PRF1: variants seen among roughly 807,000 people sequenced by gnomAD.
PRF1 encodes perforin 1.
Under a neutral mutation model 11.7 loss-of-function variants are expected in PRF1, and 11 were observed. The observed-to-expected ratio is 0.94, with a 90% CI of 0.59 to 1.56. The LOEUF is 1.56. Ranked by LOEUF, PRF1 falls within the 40% of genes most tolerant of loss-of-function variation. The pLI is 0.00. For missense variants in PRF1, 729 were observed against 751.0 expected, an observed-to-expected ratio of 0.97 and a Z score of 0.34; for synonymous variants, 314 against 327.8, an observed-to-expected ratio of 0.96 and a Z score of 0.45.
In PRF1 at chr10:70,602,689, TCTTCAC is replaced by T. The variant is rs1848248635; in HGVS notation, c.-81_-76del. The T allele has an allele frequency of 6.6e-6, 1 of 152,252 alleles. No individual in the cohort carries two copies. Among genetic ancestry groups the T allele is most frequent in the Non-Finnish European group, 1.5e-5 (1 of 68,144 alleles). 9.4% of individuals were successfully genotyped at this position (152,252 alleles called of 1,614,324 possible). On this transcript the variant is annotated 5_prime_UTR_variant, in exon 1 of 3. An upstream open reading frame in the 5' UTR loses its in-frame stop. Coordinates refer to ENST00000441259, the MANE Select transcript of PRF1 (RefSeq NM_001083116.3). ...AGCGGCTACACAGATGGATATCCTC[TCTTCAC>T]CGAGGCTCCTGGAATGGTGGCATCA...
chr10:70,599,719 C>G lies in PRF1; in HGVS notation c.540-538G>C, dbSNP rs3781307. Reference sequence around the variant, plus strand: ...TGGATGGGTCCCACATGCCCGGGATCCTGACAGCTTGGGCCATGCTCGGCC... The same window carrying G: ...TGGATGGGTCCCACATGCCCGGGATGCTGACAGCTTGGGCCATGCTCGGCC... On this transcript the variant is annotated intron_variant, in intron 2 of 2. Transcript: ENST00000441259. Among the ~76,000 whole-genome samples the G allele has an allele frequency of 4.1e-4, 63 of 152,358 alleles. 5 individuals carry two copies. The East Asian group carries it at 0.012, about 29-fold the overall frequency.
rs1222133631 is a variant in PRF1, at chr10:70,598,304, C to T, written c.1417G>A (p.Ala473Thr). 1 of 1,614,090 alleles carries T rather than the reference C, an allele frequency of 6.2e-7. No individual in the cohort carries two copies. The change falls in exon 3 of 3, where the codon GCC becomes ACC. Residue 473 changes from alanine to threonine, a missense_variant. Physicochemically the swap from Ala to Thr is moderately conservative, Grantham distance 58. Coordinates refer to ENST00000441259, the MANE Select transcript of PRF1 (RefSeq NM_001083116.3). The part of the protein sequence containing the change: ...VRLDFGDVLL[A>T]TGGPLRLQVW... Reference sequence around the variant, plus strand: ...TGCAACCTCAGGGGCCCCCCTGTGGCCAGGAGCACATCCCCAAAATCCAGC... The same window carrying T: ...TGCAACCTCAGGGGCCCCCCTGTGGTCAGGAGCACATCCCCAAAATCCAGC...
chr10:70,601,034 A>C, intron 1 of PRF1, 102 bp from the exon 2 acceptor site: 1 of 1,443,394 alleles, frequency 6.9e-7, no homozygotes. Flanking sequence ...ATATCTCTTA[A>C]GTCATTATTC....
At position 70,600,693 on chromosome 10, in the gene PRF1, G is replaced by T. The variant is rs202134601; in HGVS notation, c.210C>A (p.Asp70Glu). The change falls in exon 2 of 3, where the codon GAC (aspartate) becomes GAA (glutamate). Residue 70 changes from aspartate (D) to glutamate (E), a missense_variant. By Grantham distance (45) the Asp-to-Glu change is conservative. Coordinates refer to ENST00000441259, the MANE Select transcript of PRF1 (RefSeq NM_001083116.3). This position sits in a 1 kb window ranked among gnomAD's most constrained non-coding sequence, Gnocchi z 4.9. ...PVDTQRFLRP[D>E]GTCTLCENAL... ...CATTTTCACAGAGGGTGCAGGTGCC[G>T]TCGGGCCGCAGGAACCTTTGTGTGT... The T allele has an allele frequency of 1.2e-6, 2 of 1,613,896 alleles. No homozygotes were observed. Among genetic ancestry groups the T allele is most frequent in the South Asian group, 1.1e-5 (1 of 91,066 alleles).
chr10:70,601,279 G>A (rs1226925167), intron 1 of PRF1, among the ~76,000 whole-genome samples: 1 of 152,124 alleles, frequency 6.6e-6, no homozygotes, highest in Non-Finnish European at 1.5e-5. Context: ...TTAGGGAGGG[G>A]TCTGGGGACC....
intron 1 of PRF1, 135 bp from the exon 2 acceptor site, chr10:70,601,067 TC>T (rs1848224098): frequency 1.5e-6 from 2 of 1,314,888 alleles, no homozygotes; most frequent in African/African-American, 2.9e-5. Flanking sequence ...AGCTGGTATG[TC>T]CCTTATAGGC....
chr10:70,598,365 G>A lies in PRF1; in HGVS notation c.1356C>T (p.Thr452=), dbSNP rs765858178. The change falls in exon 3 of 3, where the codon ACC becomes ACT. Residue 452 remains threonine, a synonymous_variant. Coordinates refer to ENST00000441259, the MANE Select transcript of PRF1 (RefSeq NM_001083116.3). ...AGATGGGGTTGTTATTGTCCCACAC[G>A]GTGCTCGTCCTCAGCTCCTGGCCAC... ...FFGGQELRTS[T]VWDNNNPIWS... 4.3e-5 allele frequency: 70 copies of A among 1,614,004 alleles called. No individual in the cohort carries two copies. The highest frequency in any genetic ancestry group is 5.3e-5 in the Non-Finnish European group (63 of 1,180,028).
Position 70,598,642 on chromosome 10 carries a change from A to C in PRF1, c.1079T>G (p.Leu360Arg). The C allele has an allele frequency of 6.2e-7, 1 of 1,613,358 alleles. No individual in the cohort carries two copies. The highest frequency in any genetic ancestry group is 8.5e-7 in the Non-Finnish European group (1 of 1,179,926). Reference protein sequence around the residue: ...LDSQDPRREALRRALSQYLTD... With the variant: ...LDSQDPRREARRRALSQYLTD... Reference sequence around the variant, plus strand: ...CAGGTACTGACTCAGGGCCCTCCTCAGTGCCTCCCGCCGCGGGTCCTGGCT... The same window carrying C: ...CAGGTACTGACTCAGGGCCCTCCTCCGTGCCTCCCGCCGCGGGTCCTGGCT... Residue 360 changes from leucine (L) to arginine (R), a missense_variant, in exon 3 of 3, where the codon CTG becomes CGG. Coordinates refer to ENST00000441259, the MANE Select transcript of PRF1 (RefSeq NM_001083116.3).
rs911803198 is a variant in PRF1, at chr10:70,598,072, C to T, written c.1649G>A (p.Arg550Gln). Residue 550 changes from arginine to glutamine, a missense_variant, in exon 3 of 3, where the codon CGG (arginine) becomes CAG (glutamine). Arg to Gln is a conservative substitution (Grantham distance 43). Transcript: ENST00000441259. ...CTGTTCTCACCACACGGCCCCACTC[C>T]GGTTTCCTGGAGGCTCCCCCAGAAG... ...QMLLGEPPGN[R>Q]SGAVW The T allele has an allele frequency of 6.8e-6, 11 of 1,613,674 alleles. No individual in the cohort carries two copies. Among genetic ancestry groups the T allele is most frequent in the African/African-American group, 5.3e-5 (4 of 74,926 alleles).
Position 70,597,838 on chromosome 10 carries a change from T to G in PRF1, c.*215A>C. On this transcript the variant is annotated 3_prime_UTR_variant, in exon 3 of 3. Coordinates refer to ENST00000441259, the MANE Select transcript of PRF1 (RefSeq NM_001083116.3). ...ATCCACTAGCACTAACGATAGCCGA[T>G]GAGCTAAAAAAAAAAAAAAAATAGC... 1 of 613,796 alleles carries G rather than the reference T, an allele frequency of 1.6e-6. No homozygotes were observed. The highest frequency in any genetic ancestry group is 2.8e-6 in the Non-Finnish European group (1 of 357,164). The allele number at this position is 613,796 out of a possible 1,614,324, so 38.0% of individuals were successfully genotyped here.
At chr10:70,601,220 G>A (rs1241057737) in intron 1 of PRF1, among the ~76,000 whole-genome samples, 1 of 152,146 alleles carries the variant, frequency 6.6e-6, no homozygotes, top group African/African-American at 2.4e-5. Flanking sequence ...GTGGGTGGTG[G>A]GGAGGGGGCT....
At chr10:70,601,897 G>T (rs964769568) in intron 1 of PRF1, among the ~76,000 whole-genome samples, 1 of 150,532 alleles carries the variant, frequency 6.6e-6, no homozygotes, top group African/African-American at 2.5e-5. Context: ...GGCCTCGATG[G>T]TTGCTCTTCA....
At position 70,600,951 on chromosome 10, in the gene PRF1, A is replaced by G. The variant is rs1283559236; in HGVS notation, c.-30-19T>C. The G allele has an allele frequency of 1.3e-6, 2 of 1,547,054 alleles. No homozygotes were observed. Among genetic ancestry groups the G allele is most frequent in the South Asian group, 2.4e-5 (2 of 84,310 alleles). ...TTGGGCTCTGGGAAGCCATGGGTGG[A>G]GGGATGGAGGATGACTGCTCCCTTC... On this transcript the variant is annotated intron_variant, in intron 1 of 2. Transcript: ENST00000441259. The surrounding 1 kb of genome is among the most constrained non-coding windows in gnomAD (Gnocchi z 4.9).
Position 70,600,605 on chromosome 10 carries a change from A to G in PRF1, c.298T>C (p.Ser100Pro). The G allele has an allele frequency of 6.2e-7, 1 of 1,613,346 alleles. No individual in the cohort carries two copies. Among genetic ancestry groups the G allele is most frequent in the Middle Eastern group, 1.7e-4 (1 of 5,964 alleles). Residue 100 changes from serine to proline, a missense_variant, in exon 2 of 3, where the codon TCT (serine) becomes CCT (proline). Coordinates refer to ENST00000441259, the MANE Select transcript of PRF1 (RefSeq NM_001083116.3). This position sits in a 1 kb window ranked among gnomAD's most constrained non-coding sequence, Gnocchi z 4.9. ...LALTNWRAQG[S>P]GCQRHVTRAK... is the part of the protein sequence containing the mutation. The stretch of plus-strand genomic sequence containing the variant: ...CTGGTTACATGGCGCTGGCAGCCAG[A>G]GCCCTGGGCCCGCCAGTTGGTGAGC...
rs1848210837 is a variant in PRF1 at position 70,600,570 on chromosome 10, G to C, written c.333C>G (p.Val111=). 1 of 1,613,940 alleles carries C rather than the reference G, an allele frequency of 6.2e-7. No individual in the cohort carries two copies. Among genetic ancestry groups the C allele is most frequent in the Non-Finnish European group, 8.5e-7 (1 of 1,180,014 alleles). The change falls in exon 2 of 3, where the codon GTC becomes GTG. Residue 111 remains valine, a synonymous_variant. Coordinates refer to ENST00000441259, the MANE Select transcript of PRF1 (RefSeq NM_001083116.3). This position sits in a 1 kb window ranked among gnomAD's most constrained non-coding sequence, Gnocchi z 4.9. ...GCQRHVTRAK[V]SSTEAVARDA... ...CCCGGGCCACAGCTTCAGTGGAGCT[G>C]ACTTTGGCCCTGGTTACATGGCGCT...
At position 70,600,234 on chromosome 10, in the gene PRF1, G is replaced by A. The variant is rs1377793702; in HGVS notation, c.539+130C>T. On this transcript the variant is annotated intron_variant, in intron 2 of 2. Transcript: ENST00000441259. The surrounding 1 kb of genome is among the most constrained non-coding windows in gnomAD (Gnocchi z 4.9). ...TGAATCACCTGAAGTCTGAGAGCCA[G>A]GATTGCAGTTTCTTCCTGGTGGAAG... The A allele has an allele frequency of 1.3e-6, 2 of 1,489,922 alleles. No individual in the cohort carries two copies. The highest frequency in any genetic ancestry group is 1.4e-5 in the African/African-American group (1 of 72,134). 92.3% of individuals were successfully genotyped at this position (1,489,922 alleles called of 1,614,324 possible). A position where few individuals can be genotyped will look rare whatever the true frequency, so the allele number is the denominator to read the frequency against.
chr10:70,602,172 G>A (rs1848240989), intron 1 of PRF1, among the ~76,000 whole-genome samples: 1 of 152,144 alleles, frequency 6.6e-6, no homozygotes, highest in Admixed American at 6.5e-5. Context: ...GAGACAAGAG[G>A]GCTATGGAGA....
At chr10:70,601,828 C>CAAAAAAAAAAAAAAAAAAAAAAGAAA (rs71472987) in intron 1 of PRF1, among the ~76,000 whole-genome samples, 1 of 3,516 alleles carries the variant, frequency 2.8e-4, no homozygotes, top group Non-Finnish European at 7.2e-4. Flanking sequence ...GACTCTGCCT[C>CAAAAAAAAAAAAAAAAAAAAAAGAAA]AAAAAAAAAA....
intron 1 of PRF1, among the ~76,000 whole-genome samples, 173 bp from the exon 2 acceptor site, chr10:70,601,105 T>A (rs1848224430): frequency 6.6e-6 from 1 of 152,200 alleles, no homozygotes; most frequent in African/African-American, 2.4e-5. Flanking sequence ...ATTGTACAGA[T>A]GGGCCCAGAG....
Sources: allele counts gnomAD v4.1 joint callset (sites outside exome capture counted in the v4.1 genomes callset), GRCh38; gene constraint gnomAD v4.1.1; non-coding constraint Gnocchi (gnomAD v3.1); transcripts MANE v1.5; gene names NCBI Gene and HGNC (gene_info 2026-07-23, HGNC 2026-07-21).